TOX: variants seen among roughly 807,000 people sequenced by gnomAD.
TOX encodes the protein thymocyte selection associated high mobility group box, also known as thymocyte selection-associated high mobility group box protein TOX.
Under a neutral mutation model 53.7 loss-of-function variants are expected in TOX, and 11 were observed. That is an observed-to-expected ratio of 0.20 (90% confidence interval 0.13 to 0.34). TOX has a LOEUF of 0.34. TOX is among the 10% of genes least tolerant of loss of function. TOX has a pLI of 1.00. For missense variants in TOX, 570 were observed against 664.6 expected, an observed-to-expected ratio of 0.86 and a Z score of 1.56; for synonymous variants, 225 against 245.3, an observed-to-expected ratio of 0.92 and a Z score of 0.77.
At chr8:58,965,461 G>A (rs955474244) in intron 1 of TOX, among the ~76,000 whole-genome samples, 4 of 152,000 alleles carry the variant, frequency 2.6e-5, no homozygotes, top group South Asian at 4.1e-4. Flanking sequence ...TGAACATAGC[G>A]AATGACGAGC....
intron 1 of TOX, among the ~76,000 whole-genome samples, chr8:59,102,294 C>A (rs1010346123): frequency 2.0e-5 from 3 of 152,162 alleles, no homozygotes; most frequent in African/African-American, 7.2e-5. Context: ...GTGGGGCTAT[C>A]TCCACTCACT....
In TOX at chr8:58,894,558, G is replaced by A. The variant is rs372748412; in HGVS notation, c.412-42753C>T. Among the ~76,000 whole-genome samples the A allele has an allele frequency of 5.5e-4, 84 of 152,298 alleles. 1 individual carries two copies. In the Middle Eastern group the frequency reaches 0.024, roughly 43 times the overall value. On this transcript the variant is annotated intron_variant, in intron 3 of 8. Transcript: ENST00000361421. ...TTGATATTAGCTTGTTTGCTATTCA[G>A]TTGTCTTTCCTAATATGTGCATTAT...
intron 6 of TOX, among the ~76,000 whole-genome samples, chr8:58,823,601 C>G (rs1810316455): frequency 6.6e-6 from 1 of 152,154 alleles, no homozygotes. Flanking sequence ...CAGGTAGAGT[C>G]AAAGGTCATT....
chr8:58,899,022 T>C (rs1811693684), intron 3 of TOX, among the ~76,000 whole-genome samples: 1 of 152,214 alleles, frequency 6.6e-6, no homozygotes, highest in Admixed American at 6.5e-5. Flanking sequence ...AGCCCTGCCC[T>C]GGTCTCATTA....
In TOX at chr8:58,914,844, C is replaced by T. The variant is rs563058558; in HGVS notation, c.411+24458G>A. 1.3e-3 allele frequency among the ~76,000 whole-genome samples: 193 copies of T among 151,672 alleles called. 1 individual carries two copies. Among genetic ancestry groups the T allele is most frequent in the African/African-American group, 4.3e-3 (178 of 41,310 alleles). On this transcript the variant is annotated intron_variant, in intron 3 of 8. Transcript: ENST00000361421. ...CAGTGGGCGCAGGCCAGTGTGTGCGCGCACCGTGCGCGAGCCGAAGCAGGG... is the reference window on the plus strand; with the variant it reads ...CAGTGGGCGCAGGCCAGTGTGTGCGTGCACCGTGCGCGAGCCGAAGCAGGG...
At chr8:58,986,984 G>A (rs528993478) in intron 1 of TOX, among the ~76,000 whole-genome samples, 68 of 152,260 alleles carry the variant, frequency 4.5e-4, no homozygotes, top group Non-Finnish European at 7.2e-4. Flanking sequence ...AATTAGAAAC[G>A]CCTAGTCTGA....
At chr8:58,825,912 A>G (rs1028425684) in intron 6 of TOX, among the ~76,000 whole-genome samples, 4 of 152,220 alleles carry the variant, frequency 2.6e-5, no homozygotes, top group African/African-American at 9.6e-5. Flanking sequence ...ATATCTAACT[A>G]AAGTTTTCTC....
intron 1 of TOX, among the ~76,000 whole-genome samples, chr8:58,988,907 C>T (rs1172466685): frequency 6.6e-6 from 1 of 152,170 alleles, no homozygotes. Context: ...GCAAAACTCC[C>T]AAGACAACAA....
chr8:59,074,041 G>T (rs1804249035), intron 1 of TOX, among the ~76,000 whole-genome samples: 1 of 152,046 alleles, frequency 6.6e-6, no homozygotes, highest in African/African-American at 2.4e-5. Context: ...TCAAACCATG[G>T]CAATAAGTAC....
Position 58,806,243 on chromosome 8 carries a change from A to G in TOX, c.*1504T>C, listed in dbSNP as rs1809972756. The stretch of plus-strand genomic sequence containing the variant: ...AAAGACAGCAAGAATCTCAATTTCT[A>G]TCAACAGCTTTCAAATTTGGATGGC... On this transcript the variant is annotated 3_prime_UTR_variant, in exon 9 of 9. Coordinates refer to ENST00000361421, the MANE Select transcript of TOX (RefSeq NM_014729.3). 2 of 152,224 alleles carry G rather than the reference A, an allele frequency of 1.3e-5. No individual in the cohort carries two copies. Among genetic ancestry groups the G allele is most frequent in the South Asian group, 2.1e-4 (1 of 4,832 alleles). 9.4% of individuals were successfully genotyped at this position (152,224 alleles called of 1,614,324 possible). A position where few individuals can be genotyped will look rare whatever the true frequency, so the allele number is the denominator to read the frequency against.
At position 59,117,139 on chromosome 8, in the gene TOX, G is replaced by C. The variant is rs959707882; in HGVS notation, c.102+1747C>G. Among the ~76,000 whole-genome samples, 1 of 152,122 alleles carries C rather than the reference G, an allele frequency of 6.6e-6. No individual in the cohort carries two copies. Among genetic ancestry groups the C allele is most frequent in the Non-Finnish European group, 1.5e-5 (1 of 68,014 alleles). On this transcript the variant is annotated intron_variant, in intron 1 of 8. Transcript: ENST00000361421. The surrounding 1 kb of genome is among the most constrained non-coding windows in gnomAD (Gnocchi z 4.6). ...TTGCCAAAATAGTTCTGAGCTTTTG[G>C]TTCCGGTAACTACAGTGGAATAAGT...
At chr8:59,034,892 T>G (rs1215720589) in intron 1 of TOX, among the ~76,000 whole-genome samples, 1 of 152,138 alleles carries the variant, frequency 6.6e-6, no homozygotes, top group Non-Finnish European at 1.5e-5. Context: ...CATCCCCATT[T>G]TATAAGTGAG....
chr8:58,995,036 T>C (rs1813534667), intron 1 of TOX, among the ~76,000 whole-genome samples: 1 of 152,240 alleles, frequency 6.6e-6, no homozygotes, highest in South Asian at 2.1e-4. Flanking sequence ...GACTATGAGC[T>C]CATCAGTGTC....
At chr8:59,036,499 C>G (rs1814461441) in intron 1 of TOX, among the ~76,000 whole-genome samples, 1 of 152,104 alleles carries the variant, frequency 6.6e-6, no homozygotes, top group East Asian at 1.9e-4. Context: ...ATTTCAGGAC[C>G]TTGTTAGTCT....
At chr8:59,109,133 G>A (rs999038042) in intron 1 of TOX, among the ~76,000 whole-genome samples, 2 of 151,970 alleles carry the variant, frequency 1.3e-5, no homozygotes, top group Admixed American at 6.6e-5. Context: ...CTTTAAATGG[G>A]TCTCTGGTTA....
At chr8:59,076,074 G>A (rs1804288370) in intron 1 of TOX, among the ~76,000 whole-genome samples, 1 of 151,778 alleles carries the variant, frequency 6.6e-6, no homozygotes, top group African/African-American at 2.4e-5. Context: ...GGAAGTCAGA[G>A]AGAAGAAGGC....
chr8:59,030,950 T>C (rs1585975419), intron 1 of TOX, among the ~76,000 whole-genome samples: 3 of 152,354 alleles, frequency 2.0e-5, no homozygotes, highest in East Asian at 1.9e-4. Context: ...AAACATTTGA[T>C]ATGAAGTATC....
rs748277321 is a variant in TOX, at chr8:58,959,535, G to A, written c.168+408C>T. On this transcript the variant is annotated intron_variant, in intron 2 of 8. Transcript: ENST00000361421. ...CCACCGGCCATGGGATTTGGGTTAC[G>A]AACGTTACGTTTTGTTGAAAATGGC... Among the ~76,000 whole-genome samples the A allele has an allele frequency of 1.1e-4, 16 of 152,140 alleles. 1 individual carries two copies. Among genetic ancestry groups the A allele is most frequent in the East Asian group, 1.9e-4 (1 of 5,196 alleles).
rs1156258044 is a variant in TOX at position 59,037,288 on chromosome 8, C to CT, written c.103-77281dup. 4.6e-5 allele frequency among the ~76,000 whole-genome samples: 7 copies of CT among 150,644 alleles called. No homozygotes were observed. In the Admixed American group the frequency reaches 4.7e-4, roughly 10 times the overall value. On this transcript the variant is annotated intron_variant, in intron 1 of 8. Coordinates refer to ENST00000361421, the MANE Select transcript of TOX (RefSeq NM_014729.3). ...TTCCTTTTGGATGTTTCCTGAATGT[C>CT]TAACTTTTTAAATATATTTTTGAAT...
Sources: gnomAD v4.1 joint callset for allele counts (sites outside exome capture counted in the v4.1 genomes callset) on GRCh38, gnomAD v4.1.1 for gene constraint, Gnocchi (gnomAD v3.1) non-coding constraint, MANE v1.5 for transcripts, NCBI Gene and HGNC (gene_info 2026-07-23, HGNC 2026-07-21) for gene names.